BLTP1: variants seen among roughly 807,000 people sequenced by gnomAD.
BLTP1 encodes fragile site-associated protein.
At chr4:122,210,976 C>G in the BLTP1 span, 1 of 1,612,772 alleles carries the variant, frequency 6.2e-7, no homozygotes, top group Non-Finnish European at 8.5e-7. Context: ...TACTTCTTCA[C>G]GCCCACCTAT....
At chr4:122,314,567 G>C in the BLTP1 span, among the ~76,000 whole-genome samples, 1 of 152,042 alleles carries the variant, frequency 6.6e-6, no homozygotes, top group Non-Finnish European at 1.5e-5. Flanking sequence ...CTTATTTAAG[G>C]GCTCTTAAAA....
At chr4:122,201,330 C>T in the BLTP1 span, among the ~76,000 whole-genome samples, 1 of 152,150 alleles carries the variant, frequency 6.6e-6, no homozygotes, top group East Asian at 1.9e-4. Context: ...AAAATATAAA[C>T]CCCAAATTGA....
the BLTP1 span, chr4:122,331,207 A>C: frequency 2.8e-6 from 4 of 1,430,122 alleles, no homozygotes; most frequent in Non-Finnish European, 3.7e-6. Flanking sequence ...CACTCATGTG[A>C]ATTTACAAAA....
chr4:122,283,238 G>A, the BLTP1 span, among the ~76,000 whole-genome samples: 1 of 151,546 alleles, frequency 6.6e-6, no homozygotes, highest in Non-Finnish European at 1.5e-5. Context: ...ATTTGGCATG[G>A]GATAGTATAT....
At chr4:122,277,128 G>A in the BLTP1 span, 1 of 935,274 alleles carries the variant, frequency 1.1e-6, no homozygotes, top group South Asian at 4.9e-5. Context: ...CTTGAGGCCA[G>A]GAGTTTGAGA....
chr4:122,189,378 T>G, the BLTP1 span: 1 of 983,158 alleles, frequency 1.0e-6, no homozygotes, highest in Non-Finnish European at 1.2e-6. Flanking sequence ...TCTGGGAAAT[T>G]ATTGATGGTA....
the BLTP1 span, chr4:122,229,046 TAAAG>T: frequency 1.6e-6 from 2 of 1,278,256 alleles, no homozygotes; most frequent in African/African-American, 1.5e-5. Context: ...TGTGTTTATT[TAAAG>T]AAGATGACTT....
At chr4:122,347,145 T>G in the BLTP1 span, 2 of 984,654 alleles carry the variant, frequency 2.0e-6, no homozygotes. Context: ...AAACAGAAGA[T>G]GCTGGGGACA....
the BLTP1 span, chr4:122,341,927 CGAA>C: frequency 3.5e-6 from 2 of 569,644 alleles, no homozygotes; most frequent in South Asian, 7.7e-5. Context: ...ACAAAATGCA[CGAA>C]GAAGAAACAG....
chr4:122,306,569 T>G, the BLTP1 span: 1 of 984,766 alleles, frequency 1.0e-6, no homozygotes, highest in South Asian at 4.7e-5. Flanking sequence ...GACTTTGAAT[T>G]AGGAGTTCAC....
At chr4:122,157,701 C>CT in the BLTP1 span, among the ~76,000 whole-genome samples, 1 of 152,058 alleles carries the variant, frequency 6.6e-6, no homozygotes, top group Non-Finnish European at 1.5e-5. Context: ...TCAACTGGGG[C>CT]TGGAAGGGTT....
chr4:122,315,076 C>A, the BLTP1 span, among the ~76,000 whole-genome samples: 6 of 152,282 alleles, frequency 3.9e-5, no homozygotes, highest in East Asian at 1.2e-3. Context: ...CACCCTCAGT[C>A]ATTAGAGAAC....
the BLTP1 span, chr4:122,203,822 A>T: frequency 1.9e-6 from 1 of 529,440 alleles, no homozygotes; most frequent in East Asian, 1.5e-4. Flanking sequence ...AAATAGACTA[A>T]TAGCTGCAAC....
chr4:122,169,776 T>G, the BLTP1 span: 1 of 984,978 alleles, frequency 1.0e-6, no homozygotes, highest in Non-Finnish European at 1.2e-6. Context: ...TGAATTTTTC[T>G]TTATCCTAAG....
At chr4:122,341,717 G>C in the BLTP1 span, 1 of 985,102 alleles carries the variant, frequency 1.0e-6, no homozygotes, top group Non-Finnish European at 1.2e-6. Context: ...TCTTTACTTT[G>C]TGGTCTGGGT....
chr4:122,153,039 A>C, the BLTP1 span: 4 of 985,144 alleles, frequency 4.1e-6, no homozygotes, highest in Non-Finnish European at 4.8e-6. Context: ...TGTGTTTTGT[A>C]TTCTGAATTG....
chr4:122,232,083 C>A, the BLTP1 span: 2 of 985,418 alleles, frequency 2.0e-6, no homozygotes, highest in Non-Finnish European at 2.4e-6. Flanking sequence ...GAGGTTACTT[C>A]AGGTGACTCG....
chr4:122,234,911 C>T, the BLTP1 span: 1 of 1,613,302 alleles, frequency 6.2e-7, no homozygotes, highest in East Asian at 2.2e-5. Flanking sequence ...TGACACCTTC[C>T]AGTAGCTCTG....
the BLTP1 span, among the ~76,000 whole-genome samples, chr4:122,275,567 C>G: frequency 2.0e-5 from 3 of 152,016 alleles, no homozygotes; most frequent in Non-Finnish European, 4.4e-5. Flanking sequence ...TGGATCACTT[C>G]TCTTCATTAT....
Sources: allele counts gnomAD v4.1 joint callset (sites outside exome capture counted in the v4.1 genomes callset), GRCh38; gene constraint gnomAD v4.1.1; transcripts MANE v1.5; gene names NCBI Gene and HGNC (gene_info 2026-07-23, HGNC 2026-07-21).